SPEN: variants seen among roughly 807,000 people sequenced by gnomAD.
SPEN encodes the protein spen family transcriptional repressor.
In SPEN, 18 loss-of-function variants were observed where a neutral mutation model predicts 269.9. The ratio of observed to expected loss-of-function variants is 0.07; its 90% CI spans 0.05 to 0.10. SPEN has a LOEUF of 0.10. Ranked by LOEUF, SPEN falls within the 10% of genes least tolerant of loss-of-function variation. The pLI is 1.00. For missense variants in SPEN, 3,822 were observed against 4,631.2 expected (o/e 0.83, Z 5.07); for synonymous variants, 1,726 against 1,765.7 (o/e 0.98, Z 0.56).
chr1:15,877,377 T>G (rs2148712560), intron 3 of SPEN, among the ~76,000 whole-genome samples: 1 of 152,278 alleles, frequency 6.6e-6, no homozygotes, highest in East Asian at 1.9e-4. Flanking sequence ...CCAGCAGTCC[T>G]CCTGCCTCAG....
rs368709163 is a variant in SPEN, at chr1:15,922,317, C to T, written c.1818C>T (p.Ile606=). ...GCATGGAGAAATCTGGTCAAGACAT[C>T]AGAGACTTTTATGAAATGTTAGCCG... The part of the protein sequence containing the change: ...YHCMEKSGQD[I]RDFYEMLAER... The change falls in exon 10 of 15, where the codon ATC becomes ATT. Residue 606 remains isoleucine (I), a synonymous_variant. Coordinates refer to ENST00000375759, the MANE Select transcript of SPEN (RefSeq NM_015001.3). 2.3e-5 allele frequency: 37 copies of T among 1,607,158 alleles called. No individual in the cohort carries two copies. Among genetic ancestry groups the T allele is most frequent in the Non-Finnish European group, 2.9e-5 (34 of 1,178,524 alleles).
Position 15,938,005 on chromosome 1 carries a change from C to A in SPEN, c.10703C>A (p.Thr3568Lys), listed in dbSNP as rs1023242507. The A allele has an allele frequency of 6.2e-7, 1 of 1,600,154 alleles. No homozygotes were observed. The highest frequency in any genetic ancestry group is 2.2e-5 in the East Asian group (1 of 44,708). ...TQLEGVARRM[T>K]VETDYCLLLA... ...CTGGAAGGGGTTGCCCGAAGGATGACGGTAAGACTCTCAGGCCCAGGTGAG... is the reference window on the plus strand; with the variant it reads ...CTGGAAGGGGTTGCCCGAAGGATGAAGGTAAGACTCTCAGGCCCAGGTGAG... The change falls in exon 13 of 15, where the codon ACG becomes AAG. Residue 3568 changes from threonine (T) to lysine (K), a missense_variant and splice_region_variant. Coordinates refer to ENST00000375759, the MANE Select transcript of SPEN (RefSeq NM_015001.3).
chr1:15,910,124 T>C (rs1451474246), intron 4 of SPEN, among the ~76,000 whole-genome samples: 4 of 65,688 alleles, frequency 6.1e-5, no homozygotes, highest in African/African-American at 2.3e-4. Flanking sequence ...ACTCTGTCTC[T>C]AAAAAAAAAA....
chr1:15,920,929 A>G lies in SPEN; in HGVS notation c.1695A>G (p.Ala565=), dbSNP rs1469665045. 3.1e-6 allele frequency: 5 copies of G among 1,613,308 alleles called. No homozygotes were observed. The highest frequency in any genetic ancestry group is 1.1e-5 in the South Asian group (1 of 90,958). ...TTCTCTACAATGAAATTGAATATGC[A>G]CAAGCAGCTGTAAAAGAGACCAAAG... The part of the protein sequence containing the change: ...ALVLYNEIEY[A]QAAVKETKGR... Residue 565 remains alanine, a synonymous_variant, in exon 9 of 15, where the codon GCA becomes GCG. Transcript: ENST00000375759.
intron 3 of SPEN, among the ~76,000 whole-genome samples, chr1:15,896,725 T>G (rs1286950744): frequency 6.6e-6 from 1 of 152,218 alleles, no homozygotes; most frequent in Non-Finnish European, 1.5e-5. Context: ...TTATTAGTTG[T>G]TTATATCAGC....
Position 15,936,156 on chromosome 1 carries a change from T to G in SPEN, c.9916T>G (p.Tyr3306Asp). Residue 3306 changes from tyrosine (Y) to aspartate (D), a missense_variant, in exon 11 of 15, where the codon TAC becomes GAC. Around this residue, in one of 16 missense-constraint regions of SPEN, gnomAD observed 359 missense variants for 377.3 expected, o/e 0.95. Coordinates refer to ENST00000375759, the MANE Select transcript of SPEN (RefSeq NM_015001.3). ...CTCCAGCGGGGAGCTGTTTCAAGAG[T>G]ACCGGTACGGCGACATCCGCACCTA... ...VHSSGELFQE[Y>D]RYGDIRTYHP... 1 of 1,609,868 alleles carries G rather than the reference T, an allele frequency of 6.2e-7. No homozygotes were observed. The highest frequency in any genetic ancestry group is 8.5e-7 in the Non-Finnish European group (1 of 1,177,246).
intron 8 of SPEN, among the ~76,000 whole-genome samples, chr1:15,920,157 C>T (rs1001234314): frequency 2.6e-5 from 4 of 152,072 alleles, no homozygotes; most frequent in Admixed American, 6.5e-5. Context: ...GCAACCTCCG[C>T]CTCCCAGGTT....
intron 10 of SPEN, among the ~76,000 whole-genome samples, chr1:15,927,107 G>A (rs1359313965): frequency 6.6e-6 from 1 of 152,302 alleles, no homozygotes; most frequent in Admixed American, 6.5e-5. Flanking sequence ...GAAGTAATTG[G>A]TCTCTGTTAC....
At chr1:15,875,307 G>T (rs563421260) in intron 2 of SPEN, among the ~76,000 whole-genome samples, 1 of 151,812 alleles carries the variant, frequency 6.6e-6, no homozygotes. Flanking sequence ...TGCTAATAGC[G>T]ACCTTAGAAT....
At chr1:15,882,615 G>A (rs2070697344) in intron 3 of SPEN, among the ~76,000 whole-genome samples, 1 of 152,082 alleles carries the variant, frequency 6.6e-6, no homozygotes, top group African/African-American at 2.4e-5. Flanking sequence ...AGCCAAGATC[G>A]TACCACTGCA....
At position 15,937,735 on chromosome 1, in the gene SPEN, C is replaced by T. The variant is rs1170675931; in HGVS notation, c.10510-77C>T. The T allele has an allele frequency of 6.2e-7, 1 of 1,607,012 alleles. No homozygotes were observed. The highest frequency in any genetic ancestry group is 1.3e-5 in the African/African-American group (1 of 74,442). ...ATTCCCTAGTTAACAGACCCACAAG[C>T]TACAGCCTCTGGCTGTGTCCAGCAT... On this transcript the variant is annotated intron_variant, in intron 12 of 14. Coordinates refer to ENST00000375759, the MANE Select transcript of SPEN (RefSeq NM_015001.3). This position sits in a 1 kb window ranked among gnomAD's most constrained non-coding sequence, Gnocchi z 5.7.
chr1:15,936,099 G>C lies in SPEN; in HGVS notation c.9859G>C (p.Val3287Leu). The change falls in exon 11 of 15, where the codon GTG becomes CTG. Residue 3287 changes from valine to leucine, a missense_variant. Around this residue, in one of 16 missense-constraint regions of SPEN, gnomAD observed 359 missense variants for 377.3 expected, o/e 0.95. Coordinates refer to ENST00000375759, the MANE Select transcript of SPEN (RefSeq NM_015001.3). ...QLQGLPLTPP[V>L]VVTHGVQIVH... ...CCAGGGGCTGCCTCTGACCCCTCCTGTGGTGGTGACCCATGGGGTGCAGAT... is the reference window on the plus strand; with the variant it reads ...CCAGGGGCTGCCTCTGACCCCTCCTCTGGTGGTGACCCATGGGGTGCAGAT... The C allele has an allele frequency of 6.2e-7, 1 of 1,609,998 alleles. No homozygotes were observed. Among genetic ancestry groups the C allele is most frequent in the Non-Finnish European group, 8.5e-7 (1 of 1,177,190 alleles).
chr1:15,927,993 G>A, intron 10 of SPEN, 98 bp from the exon 11 acceptor site: 1 of 1,154,214 alleles, frequency 8.7e-7, no homozygotes, highest in Non-Finnish European at 1.2e-6. Context: ...AATGTCAAAA[G>A]ATTTTTTAGA....
chr1:15,923,964 G>A (rs1003062001), intron 10 of SPEN, among the ~76,000 whole-genome samples: 2 of 152,086 alleles, frequency 1.3e-5, no homozygotes, highest in Admixed American at 6.6e-5. Flanking sequence ...CACCGCACCC[G>A]GCCTACCTGG....
intron 3 of SPEN, among the ~76,000 whole-genome samples, chr1:15,908,223 T>G (rs2148727562): frequency 6.6e-6 from 1 of 152,184 alleles, no homozygotes; most frequent in Non-Finnish European, 1.5e-5. Context: ...ATTTATTTAT[T>G]TATTTGTTTG....
rs374972567 is a variant in SPEN at position 15,931,751 on chromosome 1, G to A, written c.5511G>A (p.Glu1837=). 1.9e-6 allele frequency: 3 copies of A among 1,614,018 alleles called. No homozygotes were observed. The African/African-American group carries it at 4.0e-5, about 22-fold the overall frequency. The change falls in exon 11 of 15, where the codon GAG becomes GAA. Residue 1837 remains glutamate (E), a synonymous_variant. Transcript: ENST00000375759. The surrounding 1 kb of genome is among the most constrained non-coding windows in gnomAD (Gnocchi z 4.8). ...AGGCAGCTGCAGTGAGTATCGTGGA[G>A]AAGCCCGTCACAAGGAAGAGTGAGA... ...PVQAAAVSIV[E]KPVTRKSERI...
rs2070991044 is a variant in SPEN at position 15,909,379 on chromosome 1, GCAGT to G, written c.942_945del (p.Val315LeufsTer50). 1 of 1,614,032 alleles carries G rather than the reference GCAGT, an allele frequency of 6.2e-7. No homozygotes were observed. The highest frequency in any genetic ancestry group is 1.7e-5 in the Admixed American group (1 of 59,988). ...TCCAGCTCGATCAGTTCAGTCTGCAGCAGTCCCTGCACCCACTTCCCAGTTGCTT... is the reference window on the plus strand; with the variant it reads ...TCCAGCTCGATCAGTTCAGTCTGCAGCCCTGCACCCACTTCCCAGTTGCTT... On this transcript the variant is annotated frameshift_variant, in exon 4 of 15. Coordinates refer to ENST00000375759, the MANE Select transcript of SPEN (RefSeq NM_015001.3). LOFTEE classifies it high-confidence loss of function.
chr1:15,911,680 G>T (rs1450218170), intron 5 of SPEN, among the ~76,000 whole-genome samples: 1 of 152,216 alleles, frequency 6.6e-6, no homozygotes, highest in Non-Finnish European at 1.5e-5. Flanking sequence ...ACTACTTCTG[G>T]TTGGGCGCAG....
In SPEN at chr1:15,860,696, G is replaced by A. The variant is rs867851923; in HGVS notation, c.84-12120G>A. 4.6e-5 allele frequency among the ~76,000 whole-genome samples: 7 copies of A among 151,566 alleles called. No homozygotes were observed. The Middle Eastern group carries it at 0.014, about 297-fold the overall frequency. On this transcript the variant is annotated intron_variant, in intron 1 of 14. Coordinates refer to ENST00000375759, the MANE Select transcript of SPEN (RefSeq NM_015001.3). ...TGGCTCATTGCAACCTCCACCTCCC[G>A]GATTCAAGCGATTCCCCTGCCTCAG...
Sources: allele counts gnomAD v4.1 joint callset (sites outside exome capture counted in the v4.1 genomes callset), GRCh38; gene constraint gnomAD v4.1.1; regional missense constraint gnomAD v4.1.1; non-coding constraint Gnocchi (gnomAD v3.1); transcripts MANE v1.5; gene names NCBI Gene and HGNC (gene_info 2026-07-23, HGNC 2026-07-21).